Variants in USP29 observed in about 807,000 individuals in gnomAD.
USP29 encodes the protein ubiquitin specific peptidase 29, also known as ubiquitin carboxyl-terminal hydrolase 29.
For missense variants in USP29, 1,102 were observed against 1,069.0 expected, an observed-to-expected ratio of 1.03 and a Z score of -0.43; for synonymous variants, 386 against 387.4, an observed-to-expected ratio of 1.00 and a Z score of 0.04.
intron 3 of USP29, 74 bp from the exon 4 acceptor site, chr19:57,128,586 T>C (rs2086835492): frequency 1.5e-6 from 2 of 1,362,036 alleles, no homozygotes; most frequent in African/African-American, 1.5e-5. Context: ...TTATTATATG[T>C]GGATGAGGTT....
rs202095785 is a variant in USP29 at position 57,131,392 on chromosome 19, G to C, written c.2717G>C (p.Gly906Ala). 34 of 1,614,038 alleles carry C rather than the reference G, an allele frequency of 2.1e-5. No homozygotes were observed. In the Admixed American group the frequency reaches 4.2e-4, roughly 20 times the overall value. ...ENSRLPSTQA[G>A]VIPQGEYEGD... ...TCTCGGCTACCTAGCACACAGGCAG[G>C]GGTGATCCCTCAGGGGGAATACGAA... Residue 906 changes from glycine to alanine, a missense_variant, in exon 4 of 4, where the codon GGG becomes GCG. Gly to Ala is a moderately conservative substitution (Grantham distance 60). Coordinates refer to ENST00000254181, the MANE Select transcript of USP29 (RefSeq NM_020903.3).
intron 1 of USP29, among the ~76,000 whole-genome samples, chr19:57,120,594 C>A (rs1471920780): frequency 2.0e-5 from 3 of 151,104 alleles, no homozygotes; most frequent in African/African-American, 7.3e-5. Context: ...TGAGACCAGC[C>A]TGACCAACAA....
At chr19:57,119,633 G>A (rs1193208212), upstream of USP29, among the ~76,000 whole-genome samples, 1 of 152,124 alleles carries the variant, frequency 6.6e-6, no homozygotes, top group African/African-American at 2.4e-5. Context: ...ACGTTGGTCA[G>A]GCTAATATCA....
intron 3 of USP29, among the ~76,000 whole-genome samples, chr19:57,125,999 T>C (rs1381408557): frequency 2.6e-5 from 4 of 152,146 alleles, no homozygotes; most frequent in African/African-American, 4.8e-5. Context: ...CTGTAAAGGA[T>C]TGTATTTTTT....
intron 1 of USP29, among the ~76,000 whole-genome samples, chr19:57,120,790 A>G (rs1303233805): frequency 7.9e-6 from 1 of 126,386 alleles, no homozygotes; most frequent in African/African-American, 4.2e-5. Flanking sequence ...CTCCGTCTCA[A>G]AAAAAAAAAA....
At position 57,130,942 on chromosome 19, in the gene USP29, G is replaced by C; in HGVS notation, c.2267G>C (p.Arg756Thr). Reference protein sequence around the residue: ...FLQQAPPPGVRKLDAQEHTEE... With the variant: ...FLQQAPPPGVTKLDAQEHTEE... Reference sequence around the variant, plus strand: ...CAGCAGGCACCACCTCCAGGTGTTAGGAAGCTGGATGCCCAGGAACATACA... The same window carrying C: ...CAGCAGGCACCACCTCCAGGTGTTACGAAGCTGGATGCCCAGGAACATACA... The change falls in exon 4 of 4, where the codon AGG becomes ACG. Residue 756 changes from arginine to threonine, a missense_variant. Arg to Thr is a moderately conservative substitution (Grantham distance 71, BLOSUM62 -1). Coordinates refer to ENST00000254181, the MANE Select transcript of USP29 (RefSeq NM_020903.3). 6.2e-7 allele frequency: 1 copy of C among 1,614,196 alleles called. No individual in the cohort carries two copies. The highest frequency in any genetic ancestry group is 8.5e-7 in the Non-Finnish European group (1 of 1,180,038).
intron 3 of USP29, among the ~76,000 whole-genome samples, chr19:57,126,494 T>C (rs1253912162): frequency 6.6e-6 from 1 of 152,044 alleles, no homozygotes; most frequent in African/African-American, 2.4e-5. Context: ...CTTCACGCCT[T>C]ATTTCAGTAA....
In USP29 at chr19:57,131,129, T is replaced by C. The variant is rs777481203; in HGVS notation, c.2454T>C (p.Asp818=). The C allele has an allele frequency of 1.2e-6, 2 of 1,614,110 alleles. No homozygotes were observed. The highest frequency in any genetic ancestry group is 1.1e-5 in the South Asian group (1 of 91,080). ...TAACAAGAAACGTGAAGATGGGGGA[T>C]CCTCTCCAGGCCTACAGACTCATCA... ...KELTRNVKMG[D]PLQAYRLISV... Residue 818 remains aspartate, a synonymous_variant, in exon 4 of 4, where the codon GAT becomes GAC. Coordinates refer to ENST00000254181, the MANE Select transcript of USP29 (RefSeq NM_020903.3).
At chr19:57,119,354 T>G (rs1028769062), upstream of USP29, 3 of 152,228 alleles carry the variant, frequency 2.0e-5, no homozygotes, top group African/African-American at 7.2e-5. Context: ...CTTGAAGGCC[T>G]AAGACTTTTA....
Position 57,131,415 on chromosome 19 carries a change from G to C in USP29, c.2740G>C (p.Glu914Gln), listed in dbSNP as rs1282308852. 8.7e-6 allele frequency: 14 copies of C among 1,613,094 alleles called. No homozygotes were observed. Among genetic ancestry groups the C allele is most frequent in the Non-Finnish European group, 1.1e-5 (13 of 1,179,596 alleles). Residue 914 changes from glutamate to glutamine, a missense_variant, in exon 4 of 4, where the codon GAA (glutamate) becomes CAA (glutamine). Coordinates refer to ENST00000254181, the MANE Select transcript of USP29 (RefSeq NM_020903.3). ...QAGVIPQGEY[E>Q]GDSLYRPA ...AGGGGTGATCCCTCAGGGGGAATAC[G>C]AAGGTGACTCTTTGTACAGACCTGC...
rs567099379 is a variant in USP29, at chr19:57,120,472, G to A, written c.-268+243G>A. On this transcript the variant is annotated intron_variant, in intron 1 of 3. Transcript: ENST00000254181. ...CACTCCAGCCTGGGCAACAGAGCAA[G>A]ACCCTGTCTCAAAAACTATATAAAA... Among the ~76,000 whole-genome samples the A allele has an allele frequency of 9.4e-4, 143 of 151,580 alleles. 1 individual carries two copies. Among genetic ancestry groups the A allele is most frequent in the African/African-American group, 3.3e-3 (136 of 41,278 alleles).
chr19:57,123,109 T>G (rs1261974846), intron 2 of USP29, among the ~76,000 whole-genome samples: 1 of 152,218 alleles, frequency 6.6e-6, no homozygotes, highest in Non-Finnish European at 1.5e-5. Context: ...CATTTCTGAT[T>G]ACACATCCCT....
Position 57,129,800 on chromosome 19 carries a change from G to C in USP29, c.1125G>C (p.Glu375Asp). Residue 375 changes from glutamate (E) to aspartate (D), a missense_variant, in exon 4 of 4, where the codon GAG becomes GAC. By Grantham distance (45) the Glu-to-Asp change is conservative (BLOSUM62 2). Coordinates refer to ENST00000254181, the MANE Select transcript of USP29 (RefSeq NM_020903.3). ...FSGNMQNDAHEFLGQCLDQLK... is the reference protein window; with the variant it reads ...FSGNMQNDAHDFLGQCLDQLK... ...GCAACATGCAGAATGATGCTCATGA[G>C]TTTTTAGGTCAGTGTTTAGACCAGC... 1.2e-6 allele frequency: 2 copies of C among 1,614,156 alleles called. No homozygotes were observed. The highest frequency in any genetic ancestry group is 8.5e-7 in the Non-Finnish European group (1 of 1,180,032).
Position 57,129,830 on chromosome 19 carries a change from A to G in USP29, c.1155A>G (p.Lys385=), listed in dbSNP as rs141114938. Residue 385 remains lysine, a synonymous_variant, in exon 4 of 4, where the codon AAA becomes AAG. Coordinates refer to ENST00000254181, the MANE Select transcript of USP29 (RefSeq NM_020903.3). ...TAGGTCAGTGTTTAGACCAGCTGAA[A>G]GAAGACATGGAAAAATTAAATGCCA... is the stretch of plus-strand genomic sequence containing the variant. ...EFLGQCLDQL[K]EDMEKLNATL... 39 of 1,614,094 alleles carry G rather than the reference A, an allele frequency of 2.4e-5. No homozygotes were observed. Among genetic ancestry groups the G allele is most frequent in the Admixed American group, 5.0e-5 (3 of 60,006 alleles).
Position 57,129,411 on chromosome 19 carries a change from C to A in USP29, c.736C>A (p.Gln246Lys), listed in dbSNP as rs759089795. Residue 246 changes from glutamine (Q) to lysine (K), a missense_variant, in exon 4 of 4, where the codon CAG becomes AAG. Gln to Lys is a moderately conservative substitution (Grantham distance 53). Coordinates refer to ENST00000254181, the MANE Select transcript of USP29 (RefSeq NM_020903.3). Reference sequence around the variant, plus strand: ...CCTAGATGAGACTGTTCTTGCAACCCAGACTCTCAATGCCAAAAATGGTTT... The same window carrying A: ...CCTAGATGAGACTGTTCTTGCAACCAAGACTCTCAATGCCAAAAATGGTTT... ...PNLDETVLAT[Q>K]TLNAKNGLTS... 6.2e-7 allele frequency: 1 copy of A among 1,614,162 alleles called. No homozygotes were observed. Among genetic ancestry groups the A allele is most frequent in the South Asian group, 1.1e-5 (1 of 91,076 alleles).
At chr19:57,125,006 G>A (rs187010680) in intron 3 of USP29, among the ~76,000 whole-genome samples, 14 of 152,256 alleles carry the variant, frequency 9.2e-5, no homozygotes, top group African/African-American at 3.4e-4. Context: ...GGAATATGAT[G>A]TCGACAATTA....
At chr19:57,123,605 A>T (rs1261297870) in intron 2 of USP29, among the ~76,000 whole-genome samples, 1 of 152,096 alleles carries the variant, frequency 6.6e-6, no homozygotes, top group Admixed American at 6.6e-5. Context: ...TGTGATCTCG[A>T]TGCATCCTCT....
Position 57,129,153 on chromosome 19 carries a change from G to A in USP29, c.478G>A (p.Gly160Arg). The A allele has an allele frequency of 6.2e-7, 1 of 1,613,572 alleles. No homozygotes were observed. Among genetic ancestry groups the A allele is most frequent in the Non-Finnish European group, 8.5e-7 (1 of 1,179,714 alleles). ...AAAATCACCAACACATGTGAAAAAGGGGATATTAGAAAATCAAGGTGGGAA... is the reference window on the plus strand; with the variant it reads ...AAAATCACCAACACATGTGAAAAAGAGGATATTAGAAAATCAAGGTGGGAA... Reference protein sequence around the residue: ...MSKSPTHVKKGILENQGGKGQ... With the variant: ...MSKSPTHVKKRILENQGGKGQ... The change falls in exon 4 of 4, where the codon GGG (glycine) becomes AGG (arginine). Residue 160 changes from glycine (G) to arginine (R), a missense_variant. Gly to Arg is a moderately radical substitution (Grantham distance 125). Coordinates refer to ENST00000254181, the MANE Select transcript of USP29 (RefSeq NM_020903.3).
chr19:57,125,934 A>G (rs4408638), intron 3 of USP29, among the ~76,000 whole-genome samples: 22,674 of 151,976 alleles, frequency 0.15, 2,766 homozygotes, highest in African/African-American at 0.33. Flanking sequence ...TGCTTCCTCC[A>G]GGAGCTCTTG....
Sources: gnomAD v4.1 joint callset for allele counts (sites outside exome capture counted in the v4.1 genomes callset) on GRCh38, gnomAD v4.1.1 for gene constraint, MANE v1.5 for transcripts, NCBI Gene and HGNC (gene_info 2026-07-23, HGNC 2026-07-21) for gene names.